Variants in NUP153 observed in about 807,000 individuals in gnomAD.
The protein encoded by NUP153 is nucleoporin 153, also known as nuclear pore complex protein Nup153.
Under a neutral mutation model 134.6 loss-of-function variants are expected in NUP153, and 27 were observed. The ratio of observed to expected loss-of-function variants is 0.20; its 90% CI spans 0.15 to 0.28. The LOEUF (loss-of-function observed/expected upper bound fraction) is 0.28, where lower values mean the gene tolerates loss of function less well. NUP153 is among the 10% of genes least tolerant of loss of function. The pLI, the probability that NUP153 is intolerant of heterozygous loss-of-function variation, is 1.00. For missense variants in NUP153, 1,821 were observed against 1,731.3 expected, an observed-to-expected ratio of 1.05 and a Z score of -0.92; for synonymous variants, 640 against 623.5, an observed-to-expected ratio of 1.03 and a Z score of -0.40.
At chr6:17,632,362 G>A (rs898340980) in intron 17 of NUP153, among the ~76,000 whole-genome samples, 2 of 151,922 alleles carry the variant, frequency 1.3e-5, no homozygotes, top group Admixed American at 6.6e-5. Flanking sequence ...AGTTCACCTA[G>A]GGGGCTAGCA....
At chr6:17,670,074 C>A (rs57177825) in intron 5 of NUP153, among the ~76,000 whole-genome samples, 1,493 of 119,732 alleles carry the variant, frequency 0.012, 31 homozygotes, top group African/African-American at 0.044. Context: ...CCAGCCTGGG[C>A]AACAGAGCGA....
intron 9 of NUP153, among the ~76,000 whole-genome samples, chr6:17,664,425 T>C (rs560697751): frequency 4.6e-5 from 7 of 152,258 alleles, no homozygotes; most frequent in African/African-American, 1.7e-4. Context: ...GGGTGAGGGT[T>C]TGAGGTCTGG....
Position 17,616,699 on chromosome 6 carries a change from CAA to C in NUP153, c.4175-6_4175-5del. Reference sequence around the variant, plus strand: ...CTGCCAAACTGGAAAGCCGAACCTGCAATAGTTAAAGCAGAAATACTTCATTA... The same window carrying C: ...CTGCCAAACTGGAAAGCCGAACCTGCTAGTTAAAGCAGAAATACTTCATTA... On this transcript the variant is annotated splice_polypyrimidine_tract_variant and splice_region_variant and intron_variant, in intron 20 of 21. Transcript: ENST00000262077. 28 of 1,608,722 alleles carry C rather than the reference CAA, an allele frequency of 1.7e-5. No homozygotes were observed. The highest frequency in any genetic ancestry group is 2.3e-5 in the Non-Finnish European group (27 of 1,176,754).
At chr6:17,661,911 A>G (rs559080313) in intron 10 of NUP153, 107 bp downstream of exon 10, 70 of 1,288,038 alleles carry the variant, frequency 5.4e-5, no homozygotes, top group Admixed American at 8.9e-5. Context: ...TTCTTTATAT[A>G]AAGTTTCTGT....
chr6:17,663,143 AAGAT>A (rs756558769), intron 9 of NUP153, among the ~76,000 whole-genome samples: 11 of 152,028 alleles, frequency 7.2e-5, no homozygotes, highest in Non-Finnish European at 1.3e-4. Context: ...CACAGAGAAA[AAGAT>A]AGAGCAAATG....
chr6:17,664,666 T>C (rs551822000), intron 9 of NUP153, among the ~76,000 whole-genome samples: 1 of 152,026 alleles, frequency 6.6e-6, no homozygotes, highest in Non-Finnish European at 1.5e-5. Flanking sequence ...CACCACCACA[T>C]GAAAGAAACA....
intron 17 of NUP153, among the ~76,000 whole-genome samples, chr6:17,629,965 T>C (rs763586860): frequency 3.2e-4 from 49 of 152,314 alleles, no homozygotes; most frequent in Non-Finnish European, 4.7e-4. Context: ...GATAAACTCA[T>C]AGACATGCAA....
chr6:17,642,482 A>T (rs1765887313), intron 14 of NUP153, among the ~76,000 whole-genome samples: 1 of 152,254 alleles, frequency 6.6e-6, no homozygotes, highest in African/African-American at 2.4e-5. Context: ...GCATTAGGGA[A>T]ATGCAAATCA....
Position 17,693,925 on chromosome 6 carries a change from T to C in NUP153, c.112-5307A>G, listed in dbSNP as rs779918632. Reference sequence around the variant, plus strand: ...GGCCTAATACTTCTCTAGTAGAAATTTGCATGGCCTCTTTACTTTTTCAGG... The same window carrying C: ...GGCCTAATACTTCTCTAGTAGAAATCTGCATGGCCTCTTTACTTTTTCAGG... On this transcript the variant is annotated intron_variant, in intron 1 of 21. Transcript: ENST00000262077. Among the ~76,000 whole-genome samples, 23 of 152,302 alleles carry C rather than the reference T, an allele frequency of 1.5e-4. No homozygotes were observed. The Middle Eastern group carries it at 0.024, about 158-fold the overall frequency.
chr6:17,687,089 C>T (rs1768979157), intron 2 of NUP153, among the ~76,000 whole-genome samples: 1 of 152,092 alleles, frequency 6.6e-6, no homozygotes, highest in Admixed American at 6.6e-5. Flanking sequence ...GGCATAAATT[C>T]ATCCTGCTAT....
intron 2 of NUP153, among the ~76,000 whole-genome samples, chr6:17,686,988 A>G (rs1413067584): frequency 6.6e-6 from 1 of 152,134 alleles, no homozygotes; most frequent in East Asian, 1.9e-4. Flanking sequence ...CAGAAGTTAT[A>G]CAAAAAAGCT....
At chr6:17,632,361 AG>A (rs1208869452) in intron 17 of NUP153, among the ~76,000 whole-genome samples, 15 of 152,106 alleles carry the variant, frequency 9.9e-5, no homozygotes, top group African/African-American at 3.1e-4. Context: ...CAGTTCACCT[AG>A]GGGGCTAGCA....
chr6:17,703,214 ATT>A (rs1459243775), intron 1 of NUP153, among the ~76,000 whole-genome samples: 5 of 149,554 alleles, frequency 3.3e-5, no homozygotes, highest in African/African-American at 1.0e-4. Flanking sequence ...AAAAAAAAAA[ATT>A]AAAAAAAAAA....
Position 17,688,492 on chromosome 6 carries a change from C to G in NUP153, c.238G>C (p.Glu80Gln). 1.2e-6 allele frequency: 2 copies of G among 1,614,122 alleles called. No homozygotes were observed. The highest frequency in any genetic ancestry group is 1.7e-6 in the Non-Finnish European group (2 of 1,180,020). The stretch of plus-strand genomic sequence containing the variant: ...TATACCAGATGGTCCTCTTTATTTT[C>G]TGGCCAGCGTGGAACCTCGCTTGTG... ...TDTSEVPRWPENKEDHLVYAD... is the reference protein window; with the variant it reads ...TDTSEVPRWPQNKEDHLVYAD... Residue 80 changes from glutamate (E) to glutamine (Q), a missense_variant, in exon 2 of 22, where the codon GAA becomes CAA. Coordinates refer to ENST00000262077, the MANE Select transcript of NUP153 (RefSeq NM_005124.4).
chr6:17,695,505 C>A (rs1250132696), intron 1 of NUP153, among the ~76,000 whole-genome samples: 1 of 152,030 alleles, frequency 6.6e-6, no homozygotes, highest in Non-Finnish European at 1.5e-5. Flanking sequence ...TTATTGTCTA[C>A]CAAACACATA....
chr6:17,623,002 T>A (rs1764723907), intron 20 of NUP153, among the ~76,000 whole-genome samples: 2 of 151,854 alleles, frequency 1.3e-5, no homozygotes, highest in South Asian at 4.2e-4. Context: ...TGGTGGCACG[T>A]GCCTGTAGTC....
At chr6:17,678,347 T>C (rs1377771861) in intron 2 of NUP153, among the ~76,000 whole-genome samples, 1 of 95,220 alleles carries the variant, frequency 1.1e-5, no homozygotes, top group Non-Finnish European at 1.8e-5. Flanking sequence ...CAGAACCCTC[T>C]GTCTCAAAAA....
chr6:17,618,798 C>T (rs936069116), intron 20 of NUP153, among the ~76,000 whole-genome samples: 1 of 152,182 alleles, frequency 6.6e-6, no homozygotes. Context: ...GATATCCTGA[C>T]CTCGTGATCT....
At chr6:17,687,938 C>A (rs2113849759) in intron 2 of NUP153, among the ~76,000 whole-genome samples, 2 of 152,000 alleles carry the variant, frequency 1.3e-5, no homozygotes, top group Admixed American at 6.6e-5. Context: ...CACGGTGAAA[C>A]CCCGTCTCTA....
Sources: gnomAD v4.1 joint callset for allele counts (sites outside exome capture counted in the v4.1 genomes callset) on GRCh38, gnomAD v4.1.1 for gene constraint, MANE v1.5 for transcripts, NCBI Gene and HGNC (gene_info 2026-07-23, HGNC 2026-07-21) for gene names.